Variants in SLC4A5 observed in about 807,000 individuals in gnomAD.
SLC4A5 encodes electrogenic sodium bicarbonate cotransporter 4.
In SLC4A5, 96 loss-of-function variants were observed where a neutral mutation model predicts 120.4. That is an observed-to-expected ratio of 0.80 (90% confidence interval 0.68 to 0.94). The LOEUF (loss-of-function observed/expected upper bound fraction) is 0.94, where lower values mean the gene tolerates loss of function less well. Ranked by LOEUF, SLC4A5 falls within the 40% of genes least tolerant of loss-of-function variation. SLC4A5 has a pLI of 0.00. For synonymous variants in SLC4A5, 550 were observed against 571.1 expected (o/e 0.96, Z 0.53); for missense variants, 1,259 against 1,459.5 (o/e 0.86, Z 2.24).
chr2:74,238,132 A>G (rs1375965022), intron 21 of SLC4A5, among the ~76,000 whole-genome samples: 1 of 151,988 alleles, frequency 6.6e-6, no homozygotes, highest in Non-Finnish European at 1.5e-5. Context: ...AATAATAATA[A>G]CATAGCAGTT....
intron 12 of SLC4A5, among the ~76,000 whole-genome samples, chr2:74,258,981 C>A (rs564448663): frequency 6.6e-6 from 1 of 152,250 alleles, no homozygotes; most frequent in African/African-American, 2.4e-5. Flanking sequence ...GGCCTCCTGT[C>A]CTTGAGGTAT....
exon 17 of SLC4A5, chr2:74,250,478 C>A: frequency 1.9e-6 from 3 of 1,614,218 alleles, no homozygotes; most frequent in Non-Finnish European, 2.5e-6. Flanking sequence ...GGAACCAGGG[C>A]AACTTCCTCT....
In SLC4A5 at chr2:74,262,129, A is replaced by C. The variant is rs1408695407; in HGVS notation, c.811+8T>G. 1 of 1,612,514 alleles carries C rather than the reference A, an allele frequency of 6.2e-7. No homozygotes were observed. The highest frequency in any genetic ancestry group is 2.2e-5 in the East Asian group (1 of 44,828). ...AAGCTGCCACAGAGCGGCAGAGCAC[A>C]CACTCACACAGACGTCCGTAATTTG... On this transcript the variant is annotated splice_region_variant and intron_variant, in intron 11 of 30. Transcript: ENST00000394019.
chr2:74,248,411 T>C, exon 18 of SLC4A5: 1 of 1,614,114 alleles, frequency 6.2e-7, no homozygotes, highest in Non-Finnish European at 8.5e-7. Flanking sequence ...CTGCTGAGAA[T>C]GATGAGAGGC....
intron 6 of SLC4A5, chr2:74,307,165 G>C: frequency 1.8e-6 from 1 of 560,526 alleles, no homozygotes; most frequent in Non-Finnish European, 3.3e-6. Context: ...TTGGCAGACT[G>C]CATGGTGACC....
chr2:74,221,470 G>C (rs751783148), exon 30 of SLC4A5: 6 of 1,614,148 alleles, frequency 3.7e-6, no homozygotes, highest in Non-Finnish European at 5.1e-6. Flanking sequence ...GGAAGAATCA[G>C]AGTGAGTAAC....
intron 21 of SLC4A5, among the ~76,000 whole-genome samples, chr2:74,239,032 T>C (rs908400198): frequency 6.6e-6 from 1 of 152,224 alleles, no homozygotes; most frequent in Non-Finnish European, 1.5e-5. Flanking sequence ...CAATTGGGCA[T>C]GTGGCCAATA....
intron 20 of SLC4A5, among the ~76,000 whole-genome samples, chr2:74,241,109 T>C (rs373494886): frequency 5.9e-5 from 9 of 151,746 alleles, no homozygotes; most frequent in African/African-American, 1.9e-4. Flanking sequence ...GGCTGGAGAG[T>C]GGCACTGCTA....
At chr2:74,251,651 C>G (rs1670793458) in intron 16 of SLC4A5, among the ~76,000 whole-genome samples, 1 of 152,156 alleles carries the variant, frequency 6.6e-6, no homozygotes, top group Admixed American at 6.5e-5. Flanking sequence ...GGTCCATACA[C>G]AAAGAGGAAA....
chr2:74,265,184 C>CCCCG lies in SLC4A5; in HGVS notation c.481_482insCGGG (p.Ser161ThrfsTer30), dbSNP rs762698824. On this transcript the variant is annotated frameshift_variant, in exon 9 of 31. Transcript: ENST00000394019. LOFTEE classifies it high-confidence loss of function. ...CAGGCAGGTACGGAGCTCGAAGAGGCTGTGCAGGGATAGTGTGGACACGTG... is the reference window on the plus strand; with the variant it reads ...CAGGCAGGTACGGAGCTCGAAGAGGCCCCGTGTGCAGGGATAGTGTGGACACGTG... 2 of 1,614,236 alleles carry CCCCG rather than the reference C, an allele frequency of 1.2e-6. No homozygotes were observed. Among genetic ancestry groups the CCCCG allele is most frequent in the Non-Finnish European group, 1.7e-6 (2 of 1,180,034 alleles).
intron 21 of SLC4A5, among the ~76,000 whole-genome samples, chr2:74,238,315 C>G (rs1288501659): frequency 6.6e-6 from 1 of 152,054 alleles, no homozygotes; most frequent in Non-Finnish European, 1.5e-5. Context: ...GACGTTAATT[C>G]TTCCCAAACA....
At chr2:74,328,223 G>C in intron 4 of SLC4A5, 37 bp from the exon 5 acceptor site, 1 of 982,598 alleles carries the variant, frequency 1.0e-6, no homozygotes, top group African/African-American at 1.7e-5. Flanking sequence ...GTGGTTTCCA[G>C]GCTGAACAGT....
chr2:74,300,265 T>C (rs1009131165), intron 7 of SLC4A5, among the ~76,000 whole-genome samples: 3 of 152,202 alleles, frequency 2.0e-5, no homozygotes, highest in Non-Finnish European at 4.4e-5. Flanking sequence ...TCTAATGTAC[T>C]GCATGGTGAC....
In SLC4A5 at chr2:74,247,079, G is replaced by T. The variant is rs142344333; in HGVS notation, c.2016C>A (p.Asn672Lys). 2.7e-5 allele frequency: 44 copies of T among 1,614,082 alleles called. No individual in the cohort carries two copies. The African/African-American group carries it at 4.9e-4, about 18-fold the overall frequency. ...ACTCGCACTTGTAGGTAGTGATGAA[G>T]TTTGGCTTGAAGTCCATATTGATAG... The change falls in exon 19 of 31, where the codon AAC (asparagine) becomes AAA (lysine). Residue 672 changes from asparagine to lysine, a missense_variant. Asn to Lys is a moderately conservative substitution (Grantham distance 94). Coordinates refer to ENST00000394019, the Ensembl canonical transcript of SLC4A5.
exon 17 of SLC4A5, chr2:74,250,406 G>A (rs552011611): frequency 8.7e-6 from 14 of 1,614,080 alleles, no homozygotes; most frequent in South Asian, 2.2e-5. Flanking sequence ...TGATACAGCC[G>A]AGGTAGATGA....
intron 8 of SLC4A5, among the ~76,000 whole-genome samples, chr2:74,282,510 A>G (rs1205236672): frequency 6.6e-6 from 1 of 152,242 alleles, no homozygotes; most frequent in Non-Finnish European, 1.5e-5. Context: ...CCTGCTTTGC[A>G]GGGAAACCTA....
intron 5 of SLC4A5, among the ~76,000 whole-genome samples, chr2:74,325,748 G>A (rs2104326953): frequency 6.6e-6 from 1 of 151,928 alleles, no homozygotes; most frequent in African/African-American, 2.4e-5. Flanking sequence ...AAGACTAAGA[G>A]TTAAGTGATT....
chr2:74,220,354 T>A (rs1473056614), intron 30 of SLC4A5, among the ~76,000 whole-genome samples: 5 of 152,168 alleles, frequency 3.3e-5, no homozygotes, highest in Admixed American at 6.6e-5. Flanking sequence ...AGCTTTGATG[T>A]TGATCTCTGA....
At chr2:74,305,178 TA>T (rs1397022381) in intron 6 of SLC4A5, among the ~76,000 whole-genome samples, 3 of 152,178 alleles carry the variant, frequency 2.0e-5, no homozygotes, top group Non-Finnish European at 4.4e-5. Context: ...CTAAAATTTC[TA>T]AGAACTAAAG....
Sources: gnomAD v4.1 joint callset for allele counts (sites outside exome capture counted in the v4.1 genomes callset) on GRCh38, gnomAD v4.1.1 for gene constraint, MANE v1.5 for transcripts, NCBI Gene and HGNC (gene_info 2026-07-23, HGNC 2026-07-21) for gene names.